Variants in RPS6KA2 observed in about 807,000 individuals in gnomAD.
RPS6KA2 encodes ribosomal protein S6 kinase A2, also known as ribosomal protein S6 kinase alpha-2.
Under a neutral mutation model 91.8 loss-of-function variants are expected in RPS6KA2, and 42 were observed. The ratio of observed to expected loss-of-function variants is 0.46; its 90% CI spans 0.36 to 0.59. The LOEUF (loss-of-function observed/expected upper bound fraction) is 0.59. Among genes scored for constraint, RPS6KA2 ranks in the 20% least tolerant of loss-of-function variants. RPS6KA2 has a pLI of 0.00. For missense variants in RPS6KA2, 798 were observed against 978.5 expected (o/e 0.82, Z 2.46); for synonymous variants, 414 against 393.6 (o/e 1.05, Z -0.61).
chr6:166,679,163 A>G (rs1037650769), intron 2 of RPS6KA2, among the ~76,000 whole-genome samples: 1 of 152,186 alleles, frequency 6.6e-6, no homozygotes, highest in Non-Finnish European at 1.5e-5. Context: ...AAAAAATAAT[A>G]AATATTGTCA....
chr6:166,581,572 A>G (rs766990975), intron 1 of RPS6KA2, among the ~76,000 whole-genome samples: 1 of 151,828 alleles, frequency 6.6e-6, no homozygotes, highest in Non-Finnish European at 1.5e-5. Context: ...GCCGGCTTCG[A>G]GTATGCGGGG....
intron 19 of RPS6KA2, among the ~76,000 whole-genome samples, chr6:166,417,419 C>T (rs1778571335): frequency 6.6e-6 from 1 of 152,180 alleles, no homozygotes; most frequent in African/African-American, 2.4e-5. Flanking sequence ...GGGTCAGCCT[C>T]ATCCAATCAG....
chr6:166,813,697 C>T (rs533358926), intron 2 of RPS6KA2, among the ~76,000 whole-genome samples: 1 of 152,306 alleles, frequency 6.6e-6, no homozygotes, highest in South Asian at 2.1e-4. Flanking sequence ...CTGTGTCCAC[C>T]GTCACGAGGC....
intron 3 of RPS6KA2, among the ~76,000 whole-genome samples, chr6:166,511,876 G>A (rs1254558234): frequency 6.6e-6 from 1 of 152,184 alleles, no homozygotes; most frequent in Non-Finnish European, 1.5e-5. Flanking sequence ...AGTCACTGAG[G>A]AAAATAGCTT....
chr6:166,416,740 C>T (rs1255022952), intron 19 of RPS6KA2, among the ~76,000 whole-genome samples: 1 of 151,882 alleles, frequency 6.6e-6, no homozygotes, highest in East Asian at 1.9e-4. Context: ...TCCACAATCA[C>T]CTCCATCATC....
chr6:166,801,397 G>C lies in RPS6KA2; in HGVS notation c.123+56803C>G, dbSNP rs1157332374. 2.6e-5 allele frequency among the ~76,000 whole-genome samples: 4 copies of C among 152,156 alleles called. No homozygotes were observed. The East Asian group carries it at 7.7e-4, about 29-fold the overall frequency. ...TCGATCTGGTACCCAGGCTGGAATG[G>C]AGCAGTGCAATCATAGCTCACTGCA... On this transcript the variant is annotated intron_variant, in intron 2 of 21. Coordinates refer to the RPS6KA2 transcript ENST00000503859.
intron 2 of RPS6KA2, among the ~76,000 whole-genome samples, chr6:166,716,382 G>A (rs746652790): frequency 1.1e-4 from 16 of 152,298 alleles, no homozygotes; most frequent in South Asian, 6.2e-4. Flanking sequence ...AGCCTGTCCC[G>A]GCAGCTCAGC....
At chr6:166,645,365 GT>G (rs1238279031) in intron 2 of RPS6KA2, among the ~76,000 whole-genome samples, 3 of 152,108 alleles carry the variant, frequency 2.0e-5, no homozygotes, top group Non-Finnish European at 4.4e-5. Context: ...AGCTGTTTAA[GT>G]AAAAGAACAC....
intron 8 of RPS6KA2, among the ~76,000 whole-genome samples, chr6:166,497,390 A>C (rs1781827318): frequency 6.6e-6 from 1 of 152,232 alleles, no homozygotes; most frequent in African/African-American, 2.4e-5. Flanking sequence ...GGGCTTCCAC[A>C]GGAAGGAGTA....
intron 2 of RPS6KA2, among the ~76,000 whole-genome samples, chr6:166,698,112 T>C (rs1789407244): frequency 1.3e-5 from 2 of 152,128 alleles, no homozygotes; most frequent in Non-Finnish European, 1.5e-5. Flanking sequence ...TGTGTGTACA[T>C]GGGTGACATA....
chr6:166,780,590 A>G (rs1339392831), intron 2 of RPS6KA2, among the ~76,000 whole-genome samples: 9 of 152,162 alleles, frequency 5.9e-5, no homozygotes, highest in Admixed American at 5.9e-4. Context: ...GGTTCCCTTC[A>G]TGGGCCCACC....
Position 166,626,846 on chromosome 6 carries a change from G to A in RPS6KA2, c.99+75C>T. Reference sequence around the variant, plus strand: ...GACGGGTCTCGGGGTCCACCCAGGGGTGGCGAGGCGGGCTCGGGCGACCAC... The same window carrying A: ...GACGGGTCTCGGGGTCCACCCAGGGATGGCGAGGCGGGCTCGGGCGACCAC... On this transcript the variant is annotated intron_variant, in intron 1 of 20. Transcript: ENST00000265678. This position sits in a 1 kb window ranked among gnomAD's most constrained non-coding sequence, Gnocchi z 4.1. 5.5e-6 allele frequency: 7 copies of A among 1,265,730 alleles called. No individual in the cohort carries two copies. Among genetic ancestry groups the A allele is most frequent in the Non-Finnish European group, 7.2e-6 (7 of 977,290 alleles). 78.4% of individuals were successfully genotyped at this position (1,265,730 alleles called of 1,614,324 possible).
At position 166,520,295 on chromosome 6, in the gene RPS6KA2, G is replaced by A. The variant is rs191740888; in HGVS notation, c.299-9938C>T. Among the ~76,000 whole-genome samples, 214 of 152,228 alleles carry A rather than the reference G, an allele frequency of 1.4e-3. 1 individual carries two copies. Among genetic ancestry groups the A allele is most frequent in the Admixed American group, 0.011 (161 of 15,294 alleles). ...CAGCTCTCCTGGTTCTCGGGACTTC[G>A]AATTCAGACTGGAACTTATACCACC... On this transcript the variant is annotated intron_variant, in intron 3 of 20. Transcript: ENST00000265678.
intron 1 of RPS6KA2, among the ~76,000 whole-genome samples, chr6:166,620,613 G>C (rs572858581): frequency 2.6e-5 from 4 of 152,202 alleles, no homozygotes; most frequent in African/African-American, 4.8e-5. Context: ...AAGGGGCAAG[G>C]AAAGAGGCTG....
rs990701016 is a variant in RPS6KA2, at chr6:166,648,116, A to G, written c.124-109332T>C. Reference sequence around the variant, plus strand: ...CACGCTCATACACACACGTGCACACACACGCTCATACACATACATGCACAC... The same window carrying G: ...CACGCTCATACACACACGTGCACACGCACGCTCATACACATACATGCACAC... On this transcript the variant is annotated intron_variant, in intron 2 of 21. Coordinates refer to the RPS6KA2 transcript ENST00000503859. This position sits in a 1 kb window ranked among gnomAD's most constrained non-coding sequence, Gnocchi z 4.8. Among the ~76,000 whole-genome samples, 2 of 150,850 alleles carry G rather than the reference A, an allele frequency of 1.3e-5. No homozygotes were observed. Among genetic ancestry groups the G allele is most frequent in the African/African-American group, 2.4e-5 (1 of 40,916 alleles).
chr6:166,747,465 T>C (rs1286662964), intron 2 of RPS6KA2, among the ~76,000 whole-genome samples: 3 of 152,210 alleles, frequency 2.0e-5, no homozygotes, highest in African/African-American at 7.2e-5. Context: ...ACACCGACAA[T>C]GTTCTACAAC....
At chr6:166,807,822 A>T (rs988383485) in intron 2 of RPS6KA2, among the ~76,000 whole-genome samples, 8 of 151,424 alleles carry the variant, frequency 5.3e-5, no homozygotes, top group Non-Finnish European at 8.8e-5. Context: ...TTCCCTCAAC[A>T]CCTGTTTAAA....
intron 1 of RPS6KA2, among the ~76,000 whole-genome samples, chr6:166,596,420 T>C (rs1314561686): frequency 1.3e-5 from 2 of 152,162 alleles, no homozygotes; most frequent in Non-Finnish European, 1.5e-5. Flanking sequence ...CCAGTGAAGC[T>C]AGAATAAAGC....
chr6:166,593,879 G>A (rs1232256452), intron 1 of RPS6KA2, among the ~76,000 whole-genome samples: 7 of 152,150 alleles, frequency 4.6e-5, no homozygotes, highest in Non-Finnish European at 1.0e-4. Context: ...AAAATTCTGA[G>A]AATATAGGAG....
Sources: allele counts gnomAD v4.1 joint callset (sites outside exome capture counted in the v4.1 genomes callset), GRCh38; gene constraint gnomAD v4.1.1; non-coding constraint Gnocchi (gnomAD v3.1); transcripts MANE v1.5; gene names NCBI Gene and HGNC (gene_info 2026-07-23, HGNC 2026-07-21).